The following LPAR3 variants were observed in gnomAD, a reference collection of about 807,000 sequenced individuals.
LPAR3 encodes the protein LPA receptor 3.
A neutral mutation model predicts 17.8 loss-of-function variants in LPAR3; 7 were observed. That is an observed-to-expected ratio of 0.39 (90% CI 0.22 to 0.74). LPAR3 has a LOEUF of 0.74. LPAR3 is among the 30% of genes least tolerant of loss of function. LPAR3 has a pLI of 0.40. For synonymous variants in LPAR3, 179 were observed against 179.9 expected (o/e 0.99, Z 0.04); for missense variants, 391 against 453.4 (o/e 0.86, Z 1.25).
intron 2 of LPAR3, among the ~76,000 whole-genome samples, chr1:84,858,751 C>G (rs994431802): frequency 1.3e-5 from 2 of 152,124 alleles, no homozygotes. Context: ...TATGTAGAGA[C>G]AGATAAATAA....
At chr1:84,859,726 G>A (rs1021741793) in intron 2 of LPAR3, among the ~76,000 whole-genome samples, 18 of 152,148 alleles carry the variant, frequency 1.2e-4, no homozygotes, top group African/African-American at 4.1e-4. Context: ...CATCACTAAA[G>A]GACAGGAGGG....
At chr1:84,854,950 T>A (rs1659789298) in intron 2 of LPAR3, among the ~76,000 whole-genome samples, 1 of 152,194 alleles carries the variant, frequency 6.6e-6, no homozygotes, top group Admixed American at 6.5e-5. Flanking sequence ...TATTGATTCT[T>A]TGAGGTAATG....
chr1:84,866,112 C>G lies in LPAR3; in HGVS notation c.9G>C (p.Glu3Asp). The G allele has an allele frequency of 6.6e-7, 1 of 1,513,402 alleles. No individual in the cohort carries two copies. The highest frequency in any genetic ancestry group is 8.8e-7 in the Non-Finnish European group (1 of 1,142,792). The allele number at this position is 1,513,402 out of a possible 1,614,324, so 93.7% of individuals were successfully genotyped here. Residue 3 changes from glutamate (E) to aspartate (D), a missense_variant, in exon 2 of 3, where the codon GAG becomes GAC. Physicochemically the swap from Glu to Asp is conservative, Grantham distance 45 (BLOSUM62 2). Coordinates refer to ENST00000370611, the MANE Select transcript of LPAR3 (RefSeq NM_012152.3). The part of the protein sequence containing the change: MN[E>D]CHYDKHMDFF... ...AGTCCATGTGCTTGTCATAGTGACA[C>G]TCATTCATTGTGGAGAAGTGAACAT...
At chr1:84,818,478 G>C (rs1658984345) in intron 2 of LPAR3, among the ~76,000 whole-genome samples, 1 of 152,146 alleles carries the variant, frequency 6.6e-6, no homozygotes, top group South Asian at 2.1e-4. Context: ...GAAAACATTG[G>C]CAATTTATTT....
At position 84,865,807 on chromosome 1, in the gene LPAR3, C is replaced by T. The variant is rs779454790; in HGVS notation, c.314G>A (p.Arg105His). 1.4e-5 allele frequency: 23 copies of T among 1,614,008 alleles called. No individual in the cohort carries two copies. The highest frequency in any genetic ancestry group is 1.6e-4 in the Middle Eastern group (1 of 6,084). ...CAAGCTACTGTCCAGAAGCCCCTGA[C>T]GGAGAAACCAGCGGTTGACAGTCAA... Reference protein sequence around the residue: ...KTLTVNRWFLRQGLLDSSLTA... With the variant: ...KTLTVNRWFLHQGLLDSSLTA... The change falls in exon 2 of 3, where the codon CGT becomes CAT. Residue 105 changes from arginine (R) to histidine (H), a missense_variant. By Grantham distance (29) the Arg-to-His change is conservative (BLOSUM62 0). Transcript: ENST00000370611.
intron 2 of LPAR3, among the ~76,000 whole-genome samples, chr1:84,850,745 G>A (rs72718726): frequency 0.012 from 1,812 of 152,312 alleles, 16 homozygotes; most frequent in South Asian, 0.034. Context: ...AGATCCCCCC[G>A]GCTCAGGCCA....
chr1:84,854,693 G>A (rs574894742), intron 2 of LPAR3, among the ~76,000 whole-genome samples: 4 of 152,198 alleles, frequency 2.6e-5, no homozygotes, highest in Non-Finnish European at 5.9e-5. Flanking sequence ...TGTTTATGAT[G>A]AGAAAATATA....
chr1:84,869,442 A>T (rs1263948066), intron 1 of LPAR3, among the ~76,000 whole-genome samples: 3 of 152,198 alleles, frequency 2.0e-5, no homozygotes, highest in African/African-American at 7.2e-5. Context: ...TCGCATAGGA[A>T]ATTGGTGAAA....
At position 84,865,782 on chromosome 1, in the gene LPAR3, C is replaced by A. The variant is rs1282922148; in HGVS notation, c.339G>T (p.Leu113Phe). ...CCAGCAAGTTGGTGAGGGAAGCAGT[C>A]AAGCTACTGTCCAGAAGCCCCTGAC... ...FLRQGLLDSS[L>F]TASLTNLLVI... The change falls in exon 2 of 3, where the codon TTG (leucine) becomes TTT (phenylalanine). Residue 113 changes from leucine (L) to phenylalanine (F), a missense_variant. By Grantham distance (22) the Leu-to-Phe change is conservative (BLOSUM62 0). Coordinates refer to ENST00000370611, the MANE Select transcript of LPAR3 (RefSeq NM_012152.3). 6.2e-7 allele frequency: 1 copy of A among 1,614,074 alleles called. No individual in the cohort carries two copies. The highest frequency in any genetic ancestry group is 8.5e-7 in the Non-Finnish European group (1 of 1,180,056).
chr1:84,873,544 T>C (rs1383959847), intron 1 of LPAR3, among the ~76,000 whole-genome samples: 1 of 152,186 alleles, frequency 6.6e-6, no homozygotes, highest in Non-Finnish European at 1.5e-5. Context: ...TAAACAGACA[T>C]TGTAACTGAG....
At chr1:84,814,768 C>G (rs1333882656) in intron 2 of LPAR3, among the ~76,000 whole-genome samples, 1 of 152,178 alleles carries the variant, frequency 6.6e-6, no homozygotes, top group Non-Finnish European at 1.5e-5. Flanking sequence ...GCACTATATT[C>G]TTTTTGACAT....
intron 2 of LPAR3, among the ~76,000 whole-genome samples, chr1:84,854,995 A>ACAATCTGGTGGTGAGGG (rs1659790227): frequency 6.6e-6 from 1 of 152,156 alleles, no homozygotes; most frequent in Admixed American, 6.5e-5. Context: ...AGAGTTAACA[A>ACAATCTGGTGGTGAGGG]CAATCTGGTG....
At chr1:84,857,499 C>A (rs1374241263) in intron 2 of LPAR3, among the ~76,000 whole-genome samples, 3 of 152,116 alleles carry the variant, frequency 2.0e-5, no homozygotes, top group African/African-American at 7.2e-5. Context: ...CCTATTCTTA[C>A]CAATGATTTT....
chr1:84,850,956 G>A (rs542341824), intron 2 of LPAR3, among the ~76,000 whole-genome samples: 2 of 152,226 alleles, frequency 1.3e-5, no homozygotes, highest in African/African-American at 2.4e-5. Context: ...TCTCCCACCC[G>A]CTGTGGGCTG....
At chr1:84,845,627 C>G (rs1236607478) in intron 2 of LPAR3, among the ~76,000 whole-genome samples, 2 of 152,284 alleles carry the variant, frequency 1.3e-5, no homozygotes, top group East Asian at 3.9e-4. Context: ...TCCATCATTA[C>G]CAAAACCAAT....
At chr1:84,887,406 A>C (rs1228704848) in intron 1 of LPAR3, among the ~76,000 whole-genome samples, 1 of 151,948 alleles carries the variant, frequency 6.6e-6, no homozygotes, top group African/African-American at 2.4e-5. Flanking sequence ...ACCATTTGGC[A>C]ACATTCATAG....
intron 2 of LPAR3, among the ~76,000 whole-genome samples, chr1:84,840,391 T>C (rs538056803): frequency 3.3e-5 from 5 of 152,118 alleles, no homozygotes; most frequent in Non-Finnish European, 5.9e-5. Flanking sequence ...ACCCCAAAAT[T>C]TGTTACAAAG....
intron 2 of LPAR3, among the ~76,000 whole-genome samples, chr1:84,816,236 A>C (rs1458189287): frequency 6.6e-6 from 1 of 152,234 alleles, no homozygotes; most frequent in Non-Finnish European, 1.5e-5. Flanking sequence ...GAGAATTCAT[A>C]TTAGTAAGTT....
intron 2 of LPAR3, among the ~76,000 whole-genome samples, chr1:84,840,282 T>A (rs1659482346): frequency 6.6e-6 from 1 of 152,250 alleles, no homozygotes; most frequent in Non-Finnish European, 1.5e-5. Context: ...CTTGTAAGAC[T>A]AAATGAGTAT....
Sources: gnomAD v4.1 joint callset for allele counts (sites outside exome capture counted in the v4.1 genomes callset) on GRCh38, gnomAD v4.1.1 for gene constraint, MANE v1.5 for transcripts, NCBI Gene and HGNC (gene_info 2026-07-23, HGNC 2026-07-21) for gene names.